Variants in CSMD1 observed in about 807,000 individuals in gnomAD.
The protein encoded by CSMD1 is CUB and Sushi multiple domains 1, also known as CUB and sushi domain-containing protein 1.
CSMD1 carries 213 observed loss-of-function variants against 417.5 expected under a neutral mutation model. That is an observed-to-expected ratio of 0.51 (90% CI 0.46 to 0.57). CSMD1 has a LOEUF of 0.57. CSMD1 is among the 20% of genes least tolerant of loss of function. The pLI, the probability that CSMD1 is intolerant of heterozygous loss-of-function variation, is 0.00. For missense variants in CSMD1, 6,923 were observed against 4,529.7 expected (o/e 1.53, Z -15.17); for synonymous variants, 2,862 against 1,736.8 (o/e 1.65, Z -16.11).
intron 3 of CSMD1, among the ~76,000 whole-genome samples, chr8:4,241,051 G>C (rs920091298): frequency 6.6e-6 from 1 of 152,090 alleles, no homozygotes; most frequent in African/African-American, 2.4e-5. Flanking sequence ...TTTTAATGAA[G>C]CTACCCCTAT....
At chr8:4,599,860 CAATT>C (rs905292304) in intron 2 of CSMD1, among the ~76,000 whole-genome samples, 39 of 152,302 alleles carry the variant, frequency 2.6e-4, no homozygotes, top group African/African-American at 9.4e-4. Context: ...AACTTAGAGA[CAATT>C]AAAGTTACAT....
chr8:4,272,229 T>C (rs1488863383), intron 3 of CSMD1, among the ~76,000 whole-genome samples: 1 of 152,208 alleles, frequency 6.6e-6, no homozygotes, highest in Non-Finnish European at 1.5e-5. Flanking sequence ...AGTACTATAG[T>C]ACTTTATGCC....
At chr8:4,110,278 G>A (rs944794954) in intron 3 of CSMD1, among the ~76,000 whole-genome samples, 20 of 152,096 alleles carry the variant, frequency 1.3e-4, no homozygotes, top group Non-Finnish European at 2.6e-4. Context: ...GATATACTGT[G>A]AGAAGCAATT....
intron 50 of CSMD1, among the ~76,000 whole-genome samples, chr8:3,040,222 A>G (rs531420379): frequency 1.0e-3 from 159 of 152,146 alleles, no homozygotes; most frequent in African/African-American, 3.6e-3. Context: ...TTCTAATATC[A>G]CCACCAAAAT....
intron 18 of CSMD1, among the ~76,000 whole-genome samples, chr8:3,384,145 G>C (rs1199071754): frequency 6.6e-6 from 1 of 152,040 alleles, no homozygotes; most frequent in Middle Eastern, 3.2e-3. Context: ...TGTTTACTCT[G>C]GGAAATGCAT....
chr8:3,545,578 C>CATG (rs72434654), intron 10 of CSMD1, among the ~76,000 whole-genome samples: 7,198 of 152,108 alleles, frequency 0.047, 488 homozygotes, highest in African/African-American at 0.15. Flanking sequence ...CTGTCTTTAC[C>CATG]ATGAAGGCTA....
At chr8:4,625,880 C>T (rs774575643) in intron 2 of CSMD1, among the ~76,000 whole-genome samples, 63 of 152,026 alleles carry the variant, frequency 4.1e-4, no homozygotes, top group Admixed American at 1.6e-3. Context: ...CACACCCCCA[C>T]GCCTGGCTAA....
rs1301952811 is a variant in CSMD1, at chr8:4,202,585, AG to A, written c.416-170487del. Among the ~76,000 whole-genome samples, 3 of 152,352 alleles carry A rather than the reference AG, an allele frequency of 2.0e-5. No individual in the cohort carries two copies. The East Asian group carries it at 5.8e-4, about 29-fold the overall frequency. On this transcript the variant is annotated intron_variant, in intron 3 of 69. Coordinates refer to ENST00000635120, the MANE Select transcript of CSMD1 (RefSeq NM_033225.6). ...AATTACTCCTGTATTCATTCAAAAA[AG>A]GTTACTTTCCTGCAATCTCTTTGAG...
At chr8:4,133,232 A>T (rs1322208397) in intron 3 of CSMD1, among the ~76,000 whole-genome samples, 1 of 152,170 alleles carries the variant, frequency 6.6e-6, no homozygotes, top group African/African-American at 2.4e-5. Context: ...CACCATGCCC[A>T]GCTGGTAAAC....
chr8:4,992,034 G>A (rs1341277524), intron 1 of CSMD1, among the ~76,000 whole-genome samples: 2 of 152,146 alleles, frequency 1.3e-5, no homozygotes, highest in Non-Finnish European at 1.5e-5. Context: ...GCACGCCAGG[G>A]GCCTGGGACC....
chr8:2,954,217 T>A lies in CSMD1; in HGVS notation c.10039+7A>T. On this transcript the variant is annotated splice_region_variant and intron_variant, in intron 65 of 69. Coordinates refer to ENST00000635120, the MANE Select transcript of CSMD1 (RefSeq NM_033225.6). ...ATTGAAATCTAGAACTGTTCTGGTATACAAACCTGGAGTTTTAGTAACTGT... is the reference window on the plus strand; with the variant it reads ...ATTGAAATCTAGAACTGTTCTGGTAAACAAACCTGGAGTTTTAGTAACTGT... 6.7e-7 allele frequency: 1 copy of A among 1,486,548 alleles called. No individual in the cohort carries two copies. The highest frequency in any genetic ancestry group is 9.1e-7 in the Non-Finnish European group (1 of 1,093,576). The allele number at this position is 1,486,548 out of a possible 1,614,324, so 92.1% of individuals were successfully genotyped here. A position where few individuals can be genotyped will look rare whatever the true frequency, so the allele number is the denominator to read the frequency against.
At position 4,347,349 on chromosome 8, in the gene CSMD1, A is replaced by G. The variant is rs899692742; in HGVS notation, c.415+72604T>C. Among the ~76,000 whole-genome samples, 11 of 152,324 alleles carry G rather than the reference A, an allele frequency of 7.2e-5. No homozygotes were observed. In the East Asian group the frequency reaches 1.9e-3, roughly 27 times the overall value. ...ATAGCATAGGACAAAACTACATAAT[A>G]TAATCGATACTCTCTGCTCTTTGAT... On this transcript the variant is annotated intron_variant, in intron 3 of 69. Coordinates refer to ENST00000635120, the MANE Select transcript of CSMD1 (RefSeq NM_033225.6).
At chr8:3,742,060 C>T (rs915350921) in intron 6 of CSMD1, among the ~76,000 whole-genome samples, 6 of 151,462 alleles carry the variant, frequency 4.0e-5, no homozygotes, top group Admixed American at 2.0e-4. Context: ...ACTCATTCAG[C>T]ACATTCTTGC....
In CSMD1 at chr8:3,914,632, G is replaced by A. The variant is rs565796144; in HGVS notation, c.818+83271C>T. The stretch of plus-strand genomic sequence containing the variant: ...GCTAGCATTAAATGAAACTCTTTCT[G>A]TCTCTCAGATCTCCACCTAGTCCAC... On this transcript the variant is annotated intron_variant, in intron 5 of 69. Transcript: ENST00000635120. Among the ~76,000 whole-genome samples the A allele has an allele frequency of 6.2e-4, 94 of 152,156 alleles. 3 individuals are homozygous for A. In the South Asian group the frequency reaches 0.019, roughly 31 times the overall value.
intron 3 of CSMD1, among the ~76,000 whole-genome samples, chr8:4,179,670 A>G (rs1798247136): frequency 6.6e-6 from 1 of 152,152 alleles, no homozygotes; most frequent in African/African-American, 2.4e-5. Context: ...AATTTTCGCA[A>G]TCTACTCATC....
rs572612683 is a variant in CSMD1, at chr8:3,255,391, A to G, written c.4154-25160T>C. Among the ~76,000 whole-genome samples the G allele has an allele frequency of 2.0e-5, 3 of 152,296 alleles. No individual in the cohort carries two copies. In the South Asian group the frequency reaches 6.2e-4, roughly 32 times the overall value. On this transcript the variant is annotated intron_variant, in intron 26 of 69. Transcript: ENST00000635120. Reference sequence around the variant, plus strand: ...TGCTGGGAGAACCACTACTCTATGTAAAGCTGTCAGACAGGGACATTTCAG... The same window carrying G: ...TGCTGGGAGAACCACTACTCTATGTGAAGCTGTCAGACAGGGACATTTCAG...
At chr8:4,555,661 T>G (rs1399162312) in intron 2 of CSMD1, among the ~76,000 whole-genome samples, 1 of 152,190 alleles carries the variant, frequency 6.6e-6, no homozygotes, top group African/African-American at 2.4e-5. Flanking sequence ...TTGTCAGAAT[T>G]CAATCAGCAA....
At chr8:3,841,495 C>G (rs1382683266) in intron 5 of CSMD1, among the ~76,000 whole-genome samples, 1 of 152,150 alleles carries the variant, frequency 6.6e-6, no homozygotes, top group East Asian at 1.9e-4. Context: ...CTTTTCATTG[C>G]TCTTCTATGA....
chr8:4,301,202 T>C (rs1797963834), intron 3 of CSMD1, among the ~76,000 whole-genome samples: 1 of 152,152 alleles, frequency 6.6e-6, no homozygotes, highest in Non-Finnish European at 1.5e-5. Context: ...AGTGGTCTGC[T>C]AAACTTTTGG....
Sources: gnomAD v4.1 joint callset for allele counts (sites outside exome capture counted in the v4.1 genomes callset) on GRCh38, gnomAD v4.1.1 for gene constraint, MANE v1.5 for transcripts, NCBI Gene and HGNC (gene_info 2026-07-23, HGNC 2026-07-21) for gene names.